ZC3H18: variants seen among roughly 807,000 people sequenced by gnomAD.
ZC3H18 encodes the protein zinc finger CCCH domain-containing protein 18.
In ZC3H18, 8 loss-of-function variants were observed where a neutral mutation model predicts 106.1. That is an observed-to-expected ratio of 0.08 (90% CI 0.04 to 0.14). ZC3H18 has a LOEUF of 0.14. ZC3H18 is among the 10% of genes least tolerant of loss of function. The pLI is 1.00. For missense variants in ZC3H18, 1,318 were observed against 1,278.4 expected (o/e 1.03, Z -0.47); for synonymous variants, 635 against 522.1 (o/e 1.22, Z -2.95).
chr16:88,573,369 G>A (rs1914529206), intron 1 of ZC3H18, among the ~76,000 whole-genome samples: 1 of 152,060 alleles, frequency 6.6e-6, no homozygotes, highest in South Asian at 2.1e-4. Context: ...AGAATTGCCA[G>A]TTTGCCACCG....
chr16:88,624,209 G>T, intron 11 of ZC3H18, 147 bp downstream of exon 11: 1 of 1,084,020 alleles, frequency 9.2e-7, no homozygotes, highest in Non-Finnish European at 1.3e-6. Context: ...GACTGGGCTG[G>T]GAGGCACTGG....
Position 88,598,278 on chromosome 16 carries a change from T to C in ZC3H18, c.789T>C (p.Asn263=). The C allele has an allele frequency of 6.2e-7, 1 of 1,612,370 alleles. No individual in the cohort carries two copies. The highest frequency in any genetic ancestry group is 8.5e-7 in the Non-Finnish European group (1 of 1,179,284). ...LITKADPFPP[N]GAPPLGPHPL... is the part of the protein sequence containing the mutation. ...CCAAAGCCGACCCCTTCCCGCCTAA[T>C]GGTGCCCCGCCTCTCGGACCTCACC... Residue 263 remains asparagine (N), a synonymous_variant, in exon 4 of 18, where the codon AAT becomes AAC. Transcript: ENST00000301011.
At position 88,592,553 on chromosome 16, in the gene ZC3H18, C is replaced by A. The variant is rs139534646; in HGVS notation, c.689-5625C>A. On this transcript the variant is annotated intron_variant, in intron 3 of 17. Transcript: ENST00000301011. ...CAATGGCGTGATCTCAGCTCACTTG[C>A]AACCTCCACCTCCCGGGTTCAAACG... 3.5e-3 allele frequency among the ~76,000 whole-genome samples: 530 copies of A among 152,306 alleles called. 4 individuals carry two copies. Among genetic ancestry groups the A allele is most frequent in the South Asian group, 0.028 (136 of 4,816 alleles).
At chr16:88,590,655 G>A (rs1368320434) in intron 3 of ZC3H18, among the ~76,000 whole-genome samples, 1 of 135,788 alleles carries the variant, frequency 7.4e-6, no homozygotes, top group Non-Finnish European at 1.5e-5. Flanking sequence ...CTCCACCTGG[G>A]TTCAAGCTAT....
intron 6 of ZC3H18, 114 bp downstream of exon 6, chr16:88,600,062 C>CA: frequency 7.6e-7 from 1 of 1,312,500 alleles, no homozygotes; most frequent in Non-Finnish European, 1.0e-6. Flanking sequence ...CAGCCCCACT[C>CA]ACTGGAGTCT....
chr16:88,583,977 G>A (rs1400742827), intron 2 of ZC3H18, among the ~76,000 whole-genome samples: 1 of 152,280 alleles, frequency 6.6e-6, no homozygotes, highest in East Asian at 1.9e-4. Context: ...AATCTCAGAT[G>A]ACTTCAGCTC....
intron 16 of ZC3H18, among the ~76,000 whole-genome samples, chr16:88,629,646 G>A (rs192775659): frequency 2.9e-4 from 44 of 152,270 alleles, no homozygotes; most frequent in Non-Finnish European, 4.0e-4. Context: ...ACTGAGTGAC[G>A]AGGCAGATAG....
chr16:88,578,125 G>C (rs1276328522), intron 2 of ZC3H18, among the ~76,000 whole-genome samples: 1 of 152,168 alleles, frequency 6.6e-6, no homozygotes, highest in East Asian at 1.9e-4. Flanking sequence ...TTCCACTCTT[G>C]TCAGGTTTTT....
At chr16:88,616,311 C>T (rs1301043559) in intron 8 of ZC3H18, among the ~76,000 whole-genome samples, 1 of 152,270 alleles carries the variant, frequency 6.6e-6, no homozygotes, top group Non-Finnish European at 1.5e-5. Context: ...TGTTTCTGAC[C>T]TGGTTCATTT....
chr16:88,620,539 A>T (rs955678495), intron 8 of ZC3H18, among the ~76,000 whole-genome samples: 2 of 150,764 alleles, frequency 1.3e-5, no homozygotes, highest in African/African-American at 2.4e-5. Context: ...ATGCCACCAC[A>T]CTCCAGCCCA....
At chr16:88,575,052 A>G (rs1914660285) in intron 1 of ZC3H18, among the ~76,000 whole-genome samples, 1 of 146,634 alleles carries the variant, frequency 6.8e-6, no homozygotes, top group African/African-American at 2.5e-5. Flanking sequence ...GATGGTCTCG[A>G]TCTCCTGACC....
At position 88,575,299 on chromosome 16, in the gene ZC3H18, C is replaced by G. The variant is rs529228351; in HGVS notation, c.-14-1811C>G. 3.3e-5 allele frequency among the ~76,000 whole-genome samples: 5 copies of G among 152,084 alleles called. No individual in the cohort carries two copies. In the South Asian group the frequency reaches 1.0e-3, roughly 32 times the overall value. On this transcript the variant is annotated intron_variant, in intron 1 of 17. Transcript: ENST00000301011. ...TTAGTGTGTATGGTTATTTGAGATA[C>G]AAGACATATAAATGTGTATGTGTAT...
chr16:88,624,733 C>T lies in ZC3H18; in HGVS notation c.2030C>T (p.Thr677Ile). Residue 677 changes from threonine to isoleucine, a missense_variant, in exon 12 of 18, where the codon ACC becomes ATC. Physicochemically the swap from Thr to Ile is moderately conservative, Grantham distance 89. Coordinates refer to ENST00000301011, the MANE Select transcript of ZC3H18 (RefSeq NM_144604.4). Reference sequence around the variant, plus strand: ...AGGAGGAAGGAGCGGCCAGCCAGGACCCCCCCCAGGAGGTGAGCACTCCGG... The same window carrying T: ...AGGAGGAAGGAGCGGCCAGCCAGGATCCCCCCCAGGAGGTGAGCACTCCGG... ...EARRKERPARTPPRRRTLSGS... is the reference protein window; with the variant it reads ...EARRKERPARIPPRRRTLSGS... 6.2e-7 allele frequency: 1 copy of T among 1,608,372 alleles called. No individual in the cohort carries two copies. Among genetic ancestry groups the T allele is most frequent in the Non-Finnish European group, 8.5e-7 (1 of 1,177,594 alleles).
intron 1 of ZC3H18, among the ~76,000 whole-genome samples, chr16:88,573,959 GC>G (rs530144408): frequency 2.0e-5 from 3 of 150,510 alleles, no homozygotes; most frequent in Non-Finnish European, 4.4e-5. Flanking sequence ...TGCAACCTCC[GC>G]CCCCCCGAGT....
chr16:88,607,087 C>T (rs1056468372), intron 6 of ZC3H18, among the ~76,000 whole-genome samples: 1 of 152,194 alleles, frequency 6.6e-6, no homozygotes, highest in African/African-American at 2.4e-5. Context: ...CCCCCCAACC[C>T]TGTGCGCAGT....
intron 8 of ZC3H18, among the ~76,000 whole-genome samples, chr16:88,615,173 T>TAG (rs1905514661): frequency 1.0e-5 from 1 of 97,098 alleles, no homozygotes; most frequent in Non-Finnish European, 2.3e-5. Context: ...CCTCTGCCTT[T>TAG]GACAGGCTGC....
At chr16:88,573,725 T>C (rs1484696831) in intron 1 of ZC3H18, among the ~76,000 whole-genome samples, 1 of 151,948 alleles carries the variant, frequency 6.6e-6, no homozygotes, top group Non-Finnish European at 1.5e-5. Context: ...GACTGACTTT[T>C]TAATAATTCC....
At chr16:88,629,662 A>G (rs367725577) in intron 16 of ZC3H18, among the ~76,000 whole-genome samples, 21 of 152,300 alleles carry the variant, frequency 1.4e-4, no homozygotes, top group East Asian at 1.2e-3. Flanking sequence ...GATAGTGTCT[A>G]TATTACTGTT....
At chr16:88,620,091 A>G (rs1905866450) in intron 8 of ZC3H18, among the ~76,000 whole-genome samples, 1 of 152,182 alleles carries the variant, frequency 6.6e-6, no homozygotes, top group South Asian at 2.1e-4. Flanking sequence ...AGCTGCCCCC[A>G]TCCTGCATTC....
Sources: gnomAD v4.1 joint callset for allele counts (sites outside exome capture counted in the v4.1 genomes callset) on GRCh38, gnomAD v4.1.1 for gene constraint, MANE v1.5 for transcripts, NCBI Gene and HGNC (gene_info 2026-07-23, HGNC 2026-07-21) for gene names.